BMPR1B: variants seen among roughly 807,000 people sequenced by gnomAD.
The protein encoded by BMPR1B is bone morphogenetic protein receptor type-1B.
In BMPR1B, 12 loss-of-function variants were observed where a neutral mutation model predicts 59.1. The observed-to-expected ratio is 0.20, with a 90% CI of 0.13 to 0.33. The LOEUF (loss-of-function observed/expected upper bound fraction) is 0.33, where lower values mean the gene tolerates loss of function less well. Ranked by LOEUF, BMPR1B falls within the 10% of genes least tolerant of loss-of-function variation. The pLI is 1.00. For synonymous variants in BMPR1B, 237 were observed against 207.3 expected, an observed-to-expected ratio of 1.14 and a Z score of -1.23; for missense variants, 550 against 610.9, an observed-to-expected ratio of 0.90 and a Z score of 1.05.
intron 3 of BMPR1B, among the ~76,000 whole-genome samples, chr4:95,022,041 G>T (rs573254111): frequency 6.6e-6 from 1 of 152,286 alleles, no homozygotes; most frequent in African/African-American, 2.4e-5. Flanking sequence ...TGGGAGAGAA[G>T]AAATAGGACG....
intron 3 of BMPR1B, among the ~76,000 whole-genome samples, chr4:95,053,281 T>TTGTGTTTGTGTG (rs1726646623): frequency 1.5e-5 from 2 of 134,324 alleles, no homozygotes; most frequent in South Asian, 5.2e-4. Flanking sequence ...TGCAGGGCAC[T>TTGTGTTTGTGTG]TGTGTGTGTG....
chr4:94,806,115 G>A lies in BMPR1B; in HGVS notation c.-183+48047G>A, dbSNP rs192172642. ...GTGGGAGAACTTGTAAGTGTGGTTC[G>A]ATTTAGCTTTAATTCAAGACAGCTA... On this transcript the variant is annotated intron_variant, in intron 1 of 12. Transcript: ENST00000515059. Among the ~76,000 whole-genome samples the A allele has an allele frequency of 5.1e-3, 772 of 152,218 alleles. 3 individuals are homozygous for A. The highest frequency in any genetic ancestry group is 0.018 in the African/African-American group (738 of 41,534).
intron 2 of BMPR1B, among the ~76,000 whole-genome samples, chr4:94,989,259 C>T (rs1477011624): frequency 6.6e-6 from 1 of 151,742 alleles, no homozygotes; most frequent in Non-Finnish European, 1.5e-5. Context: ...CATGGTGGTG[C>T]GTGCCTATAG....
At chr4:94,799,815 C>T (rs1723339219) in intron 1 of BMPR1B, among the ~76,000 whole-genome samples, 1 of 151,942 alleles carries the variant, frequency 6.6e-6, no homozygotes, top group Non-Finnish European at 1.5e-5. Context: ...CTCAGCCTCC[C>T]AAGTAGCTGG....
At chr4:95,002,574 C>G (rs983579333) in intron 3 of BMPR1B, among the ~76,000 whole-genome samples, 1 of 152,150 alleles carries the variant, frequency 6.6e-6, no homozygotes, top group Non-Finnish European at 1.5e-5. Flanking sequence ...AGTAGCTGAA[C>G]TAATTTACAT....
intron 1 of BMPR1B, among the ~76,000 whole-genome samples, chr4:94,779,488 T>C (rs1355355223): frequency 2.6e-5 from 4 of 152,188 alleles, no homozygotes; most frequent in Non-Finnish European, 5.9e-5. Context: ...CTAACATCAC[T>C]ATTAAGAATG....
chr4:95,028,974 TTAGAGG>T (rs1210910388), intron 3 of BMPR1B, among the ~76,000 whole-genome samples: 4 of 151,992 alleles, frequency 2.6e-5, no homozygotes, highest in African/African-American at 9.7e-5. Flanking sequence ...TAATTATTTG[TTAGAGG>T]TAAAGTTTAT....
chr4:94,882,246 G>T (rs1727002465), intron 2 of BMPR1B, among the ~76,000 whole-genome samples: 1 of 152,064 alleles, frequency 6.6e-6, no homozygotes, highest in Non-Finnish European at 1.5e-5. Context: ...AGCACGCAGA[G>T]GGAACATGAT....
intron 3 of BMPR1B, among the ~76,000 whole-genome samples, chr4:95,034,895 A>C (rs964222045): frequency 6.6e-6 from 1 of 152,136 alleles, no homozygotes; most frequent in Non-Finnish European, 1.5e-5. Flanking sequence ...CATTCTCACC[A>C]GCAGTATACT....
At chr4:95,146,220 G>A (rs528336575) in intron 10 of BMPR1B, among the ~76,000 whole-genome samples, 4 of 152,288 alleles carry the variant, frequency 2.6e-5, no homozygotes, top group African/African-American at 9.6e-5. Flanking sequence ...GGGGAGGAGA[G>A]AGATGGCTTA....
At chr4:95,108,737 C>A (rs974689293) in intron 4 of BMPR1B, among the ~76,000 whole-genome samples, 1 of 152,122 alleles carries the variant, frequency 6.6e-6, no homozygotes, top group East Asian at 1.9e-4. Flanking sequence ...AGTAATAGAG[C>A]CTTTTTTATA....
intron 6 of BMPR1B, among the ~76,000 whole-genome samples, chr4:95,118,108 T>TGGTA (rs1040973413): frequency 6.6e-6 from 1 of 152,122 alleles, no homozygotes; most frequent in African/African-American, 2.4e-5. Flanking sequence ...GGATCTCAGG[T>TGGTA]GGTACTTAGG....
chr4:95,096,252 C>T (rs1730367326), intron 3 of BMPR1B, among the ~76,000 whole-genome samples: 1 of 151,606 alleles, frequency 6.6e-6, no homozygotes, highest in African/African-American at 2.4e-5. Context: ...TTTCCTACTA[C>T]AAGAGATTCC....
chr4:94,845,988 G>C (rs35402441), intron 1 of BMPR1B, among the ~76,000 whole-genome samples: 31,752 of 152,016 alleles, frequency 0.21, 3,499 homozygotes, highest in African/African-American at 0.24. Flanking sequence ...AAATTTCAGT[G>C]GAACAGAATA....
At chr4:95,134,898 G>A (rs1346284515) in intron 10 of BMPR1B, among the ~76,000 whole-genome samples, 3 of 152,142 alleles carry the variant, frequency 2.0e-5, no homozygotes, top group Non-Finnish European at 2.9e-5. Flanking sequence ...GGCTTTTGTT[G>A]CCATTGCTTT....
intron 1 of BMPR1B, among the ~76,000 whole-genome samples, chr4:94,823,810 T>C (rs10029716): frequency 0.8 from 121,457 of 151,696 alleles, 48,825 homozygotes; most frequent in East Asian, 0.91. Flanking sequence ...TGCAGTGGCA[T>C]GATTTTGGCT....
intron 1 of BMPR1B, among the ~76,000 whole-genome samples, chr4:94,825,954 A>G (rs766783515): frequency 2.6e-5 from 4 of 151,992 alleles, no homozygotes; most frequent in Non-Finnish European, 5.9e-5. Context: ...TTTCTTTTTT[A>G]TTTTAGGCTT....
chr4:95,020,655 G>A (rs995366374), intron 3 of BMPR1B, among the ~76,000 whole-genome samples: 4 of 151,266 alleles, frequency 2.6e-5, no homozygotes, highest in African/African-American at 4.9e-5. Flanking sequence ...CTTGCCCTAC[G>A]TAAATGGTGC....
intron 1 of BMPR1B, among the ~76,000 whole-genome samples, chr4:94,792,710 T>C (rs1402838316): frequency 1.3e-5 from 2 of 152,224 alleles, no homozygotes; most frequent in Non-Finnish European, 2.9e-5. Flanking sequence ...ACTTTTTAAA[T>C]TGTGACTTTA....
Sources: allele counts gnomAD v4.1 joint callset (sites outside exome capture counted in the v4.1 genomes callset), GRCh38; gene constraint gnomAD v4.1.1; transcripts MANE v1.5; gene names NCBI Gene and HGNC (gene_info 2026-07-23, HGNC 2026-07-21).